The following NPAS3 variants were observed in gnomAD, a reference collection of about 807,000 sequenced individuals.
NPAS3 encodes the protein neuronal PAS domain protein 3.
A neutral mutation model predicts 73.1 loss-of-function variants in NPAS3; 14 were observed. The ratio of observed to expected loss-of-function variants is 0.19; its 90% CI spans 0.13 to 0.30. The LOEUF (loss-of-function observed/expected upper bound fraction) is 0.30. Ranked by LOEUF, NPAS3 falls within the 10% of genes least tolerant of loss-of-function variation. The pLI, the probability that NPAS3 is intolerant of heterozygous loss-of-function variation, is 1.00. For synonymous variants in NPAS3, 620 were observed against 541.5 expected (o/e 1.14, Z -2.01); for missense variants, 1,096 against 1,250.0 (o/e 0.88, Z 1.86).
intron 3 of NPAS3, among the ~76,000 whole-genome samples, chr14:33,254,027 C>A (rs2048685523): frequency 6.6e-6 from 1 of 152,102 alleles, no homozygotes. Flanking sequence ...ACTTCTTATT[C>A]AAGTTGGCTA....
intron 5 of NPAS3, among the ~76,000 whole-genome samples, chr14:33,634,133 G>A (rs1014867551): frequency 2.0e-5 from 3 of 152,196 alleles, no homozygotes; most frequent in African/African-American, 4.8e-5. Flanking sequence ...CTGGAAACTC[G>A]AATTGGGTCA....
At chr14:33,450,248 T>C (rs1298283720) in intron 4 of NPAS3, among the ~76,000 whole-genome samples, 1 of 152,228 alleles carries the variant, frequency 6.6e-6, no homozygotes, top group East Asian at 1.9e-4. Context: ...TTCTCGGTTC[T>C]ACAGCAAAAC....
At chr14:33,329,649 G>A (rs915988982) in intron 3 of NPAS3, among the ~76,000 whole-genome samples, 12 of 152,194 alleles carry the variant, frequency 7.9e-5, no homozygotes, top group South Asian at 2.1e-4. Flanking sequence ...GCAGGGGCAC[G>A]ATGGGGTAGG....
chr14:33,801,945 GT>G (rs1197800086), downstream of NPAS3: 3 of 151,854 alleles, frequency 2.0e-5, no homozygotes, highest in Non-Finnish European at 4.4e-5. Context: ...CCTCATTAAC[GT>G]TTGCTGCAGG....
intron 7 of NPAS3, among the ~76,000 whole-genome samples, chr14:33,739,613 A>C (rs1184353352): frequency 2.6e-5 from 4 of 152,186 alleles, no homozygotes; most frequent in Non-Finnish European, 5.9e-5. Context: ...GTGCACATGA[A>C]ATTTTAACAG....
chr14:33,231,992 T>A (rs2047869942), intron 3 of NPAS3, among the ~76,000 whole-genome samples: 2 of 152,206 alleles, frequency 1.3e-5, no homozygotes, highest in African/African-American at 4.8e-5. Flanking sequence ...TAGATAGTCC[T>A]ATAGAGAGAA....
chr14:33,665,869 A>AG (rs2140294601), intron 5 of NPAS3, among the ~76,000 whole-genome samples: 1 of 152,250 alleles, frequency 6.6e-6, no homozygotes, highest in East Asian at 1.9e-4. Context: ...GAAAAAAAAA[A>AG]TCGTCCACCA....
intron 2 of NPAS3, among the ~76,000 whole-genome samples, chr14:33,079,679 T>G (rs906153660): frequency 5.0e-5 from 7 of 140,262 alleles, no homozygotes; most frequent in Non-Finnish European, 1.1e-4. Flanking sequence ...TGGTGCCATC[T>G]CGGCTAACTG....
intron 3 of NPAS3, among the ~76,000 whole-genome samples, chr14:33,353,813 C>T (rs1476212306): frequency 6.6e-6 from 1 of 152,064 alleles, no homozygotes; most frequent in African/African-American, 2.4e-5. Flanking sequence ...TAACAGTGGG[C>T]AAGAAGGGAC....
At chr14:33,228,564 A>G (rs1341506625) in intron 3 of NPAS3, among the ~76,000 whole-genome samples, 1 of 152,126 alleles carries the variant, frequency 6.6e-6, no homozygotes, top group African/African-American at 2.4e-5. Flanking sequence ...GTCATCAGGG[A>G]TCCGAAATGG....
intron 3 of NPAS3, among the ~76,000 whole-genome samples, chr14:33,311,860 G>A (rs2043016837): frequency 6.6e-6 from 1 of 152,136 alleles, no homozygotes; most frequent in African/African-American, 2.4e-5. Context: ...GAATCTTGAA[G>A]GATGAACGGG....
At chr14:32,942,030 G>C (rs2139061646) in intron 1 of NPAS3, among the ~76,000 whole-genome samples, 1 of 152,346 alleles carries the variant, frequency 6.6e-6, no homozygotes, top group African/African-American at 2.4e-5. Context: ...AAGTAAGTGA[G>C]TAATTCCACC....
At chr14:33,075,918 A>G (rs868209685) in intron 2 of NPAS3, among the ~76,000 whole-genome samples, 10 of 152,188 alleles carry the variant, frequency 6.6e-5, no homozygotes, top group Admixed American at 2.6e-4. Context: ...TTTTTAGATC[A>G]TTCTCAATTC....
At chr14:33,304,908 GTAA>G (rs1464789475) in intron 3 of NPAS3, among the ~76,000 whole-genome samples, 11 of 152,104 alleles carry the variant, frequency 7.2e-5, no homozygotes. Context: ...TGTCGCATTT[GTAA>G]TAATCAGAAT....
At chr14:33,713,275 G>A (rs1427290525) in intron 6 of NPAS3, among the ~76,000 whole-genome samples, 1 of 152,176 alleles carries the variant, frequency 6.6e-6, no homozygotes, top group Non-Finnish European at 1.5e-5. Flanking sequence ...AAAAAAACAG[G>A]TTCCTTCCAT....
At chr14:33,782,978 G>A (rs771484848) in intron 9 of NPAS3, among the ~76,000 whole-genome samples, 2 of 152,004 alleles carry the variant, frequency 1.3e-5, no homozygotes, top group African/African-American at 4.8e-5. Context: ...GCGTCTCATC[G>A]CCAAATGCAA....
intron 2 of NPAS3, among the ~76,000 whole-genome samples, chr14:33,105,818 G>A (rs564994572): frequency 1.3e-5 from 2 of 152,230 alleles, no homozygotes; most frequent in East Asian, 1.9e-4. Context: ...GTTAAAAAAT[G>A]TCTGGTAATG....
chr14:33,691,253 T>C (rs2060229121), intron 6 of NPAS3, among the ~76,000 whole-genome samples: 1 of 152,200 alleles, frequency 6.6e-6, no homozygotes, highest in Admixed American at 6.5e-5. Flanking sequence ...GAGTTTATAT[T>C]GTGAAATTGT....
intron 1 of NPAS3, among the ~76,000 whole-genome samples, chr14:32,939,803 G>T (rs192275389): frequency 6.6e-6 from 1 of 151,784 alleles, no homozygotes; most frequent in African/African-American, 2.4e-5. Context: ...TGGGGAGGGG[G>T]AGGGAAGGCG....
Sources: allele counts gnomAD v4.1 joint callset (sites outside exome capture counted in the v4.1 genomes callset), GRCh38; gene constraint gnomAD v4.1.1; transcripts MANE v1.5; gene names NCBI Gene and HGNC (gene_info 2026-07-23, HGNC 2026-07-21).